ADGRL3: variants seen among roughly 807,000 people sequenced by gnomAD.
ADGRL3 encodes the protein calcium-independent alpha-latrotoxin receptor 3.
Under a neutral mutation model 153.5 loss-of-function variants are expected in ADGRL3, and 62 were observed. The ratio of observed to expected loss-of-function variants is 0.40; its 90% CI spans 0.33 to 0.50. ADGRL3 has a LOEUF of 0.50. ADGRL3 is among the 20% of genes least tolerant of loss of function. The pLI is 0.47. For missense variants in ADGRL3, 1,641 were observed against 1,859.4 expected, an observed-to-expected ratio of 0.88 and a Z score of 2.16; for synonymous variants, 710 against 672.5, an observed-to-expected ratio of 1.06 and a Z score of -0.86.
At chr4:61,982,575 C>A (rs2099072207) in intron 18 of ADGRL3, among the ~76,000 whole-genome samples, 2 of 152,056 alleles carry the variant, frequency 1.3e-5, no homozygotes, top group Admixed American at 1.3e-4. Flanking sequence ...GGAAGAATAA[C>A]TCAAAGAAAT....
chr4:61,530,451 A>G (rs185663956), intron 4 of ADGRL3, among the ~76,000 whole-genome samples: 3 of 151,964 alleles, frequency 2.0e-5, no homozygotes, highest in Non-Finnish European at 4.4e-5. Flanking sequence ...TTAATGCAAG[A>G]GTACTTGTTT....
At chr4:61,708,462 TA>T (rs1394869483) in intron 6 of ADGRL3, among the ~76,000 whole-genome samples, 1 of 142,794 alleles carries the variant, frequency 7.0e-6, no homozygotes, top group Non-Finnish European at 1.5e-5. Context: ...AGCTACTTGT[TA>T]TTTAAAGTTT....
At chr4:61,542,174 T>C (rs954633226) in intron 4 of ADGRL3, among the ~76,000 whole-genome samples, 2 of 152,190 alleles carry the variant, frequency 1.3e-5, no homozygotes, top group Non-Finnish European at 2.9e-5. Flanking sequence ...AAGGAACCTT[T>C]GGGATCATAG....
chr4:61,783,642 G>A (rs1177874478), intron 8 of ADGRL3, among the ~76,000 whole-genome samples: 2 of 151,970 alleles, frequency 1.3e-5, no homozygotes, highest in Non-Finnish European at 2.9e-5. Context: ...GAAAGCTGTG[G>A]GAGATAAAGT....
chr4:61,902,897 C>A (rs747423321), intron 11 of ADGRL3, among the ~76,000 whole-genome samples: 4 of 152,132 alleles, frequency 2.6e-5, no homozygotes, highest in Admixed American at 6.5e-5. Context: ...TAACTCTTTC[C>A]ATGGCTAGTA....
chr4:61,959,844 A>G (rs1314343783), intron 17 of ADGRL3, among the ~76,000 whole-genome samples: 1 of 152,140 alleles, frequency 6.6e-6, no homozygotes, highest in African/African-American at 2.4e-5. Context: ...AGGTTGCACA[A>G]TCCTATTCCT....
At chr4:61,931,256 A>G (rs2098816499) in intron 13 of ADGRL3, among the ~76,000 whole-genome samples, 1 of 152,166 alleles carries the variant, frequency 6.6e-6, no homozygotes, top group Non-Finnish European at 1.5e-5. Flanking sequence ...TAAGAGACCA[A>G]ATTATGAAGA....
intron 9 of ADGRL3, among the ~76,000 whole-genome samples, chr4:61,835,313 G>A (rs914873102): frequency 7.8e-5 from 9 of 115,826 alleles, no homozygotes; most frequent in African/African-American, 3.1e-4. Flanking sequence ...GACCTCTCAT[G>A]TGTGCATTAA....
intron 9 of ADGRL3, among the ~76,000 whole-genome samples, chr4:61,869,233 C>A (rs1472680765): frequency 9.9e-5 from 15 of 152,180 alleles, no homozygotes; most frequent in African/African-American, 3.6e-4. Context: ...TGTGAGCCAC[C>A]ATGCCCAGCC....
intron 17 of ADGRL3, among the ~76,000 whole-genome samples, chr4:61,977,319 G>A (rs73823287): frequency 0.014 from 2,051 of 151,258 alleles, 59 homozygotes; most frequent in African/African-American, 0.047. Context: ...CTAAACGTTG[G>A]TGCTTGATTC....
chr4:61,367,349 C>A (rs2096418910), intron 1 of ADGRL3, among the ~76,000 whole-genome samples: 2 of 151,952 alleles, frequency 1.3e-5, no homozygotes, highest in Admixed American at 6.6e-5. Context: ...AACTCATCAT[C>A]TAGCATTAGG....
chr4:61,845,102 G>A (rs1218885424), intron 9 of ADGRL3, among the ~76,000 whole-genome samples: 2 of 152,134 alleles, frequency 1.3e-5, no homozygotes, highest in East Asian at 1.9e-4. Context: ...CATCAAATAC[G>A]TTTCTAATCT....
At chr4:61,782,544 G>C (rs990551736) in intron 8 of ADGRL3, among the ~76,000 whole-genome samples, 7 of 152,020 alleles carry the variant, frequency 4.6e-5, no homozygotes, top group Admixed American at 3.9e-4. Flanking sequence ...CAAATTATGA[G>C]AAAAAATATT....
intron 1 of ADGRL3, among the ~76,000 whole-genome samples, chr4:61,297,890 C>G (rs1480273929): frequency 2.0e-5 from 3 of 152,064 alleles, no homozygotes; most frequent in African/African-American, 7.2e-5. Flanking sequence ...ACCACTATTA[C>G]AGTATCATTT....
chr4:61,371,918 C>A (rs1233161220), intron 1 of ADGRL3, among the ~76,000 whole-genome samples: 1 of 152,096 alleles, frequency 6.6e-6, no homozygotes, highest in African/African-American at 2.4e-5. Context: ...TTCTTGGAGG[C>A]TTTGCTCTTT....
At chr4:61,256,896 G>A (rs2092020999) in intron 1 of ADGRL3, among the ~76,000 whole-genome samples, 1 of 152,068 alleles carries the variant, frequency 6.6e-6, no homozygotes, top group African/African-American at 2.4e-5. Flanking sequence ...CTACAAAAAT[G>A]CCAACAGTTT....
intron 1 of ADGRL3, among the ~76,000 whole-genome samples, chr4:61,297,812 C>T (rs531101760): frequency 2.0e-5 from 3 of 151,790 alleles, no homozygotes; most frequent in East Asian, 3.9e-4. Context: ...CCACCGCCAC[C>T]GTCACTACCG....
At chr4:61,914,354 A>G (rs1435980339) in intron 13 of ADGRL3, among the ~76,000 whole-genome samples, 1 of 152,174 alleles carries the variant, frequency 6.6e-6, no homozygotes, top group East Asian at 1.9e-4. Flanking sequence ...CTATAACAAA[A>G]GACAGGTTAA....
chr4:61,218,493 A>AT (rs939365742), intron 1 of ADGRL3, among the ~76,000 whole-genome samples: 1 of 151,114 alleles, frequency 6.6e-6, no homozygotes, highest in African/African-American at 2.4e-5. Flanking sequence ...TTTATTTTTT[A>AT]TTTTTTATTT....
Sources: gnomAD v4.1 joint callset for allele counts (sites outside exome capture counted in the v4.1 genomes callset) on GRCh38, gnomAD v4.1.1 for gene constraint, MANE v1.5 for transcripts, NCBI Gene and HGNC (gene_info 2026-07-23, HGNC 2026-07-21) for gene names.